SLC18A2: variants seen among roughly 807,000 people sequenced by gnomAD.
SLC18A2 encodes the protein synaptic vesicular amine transporter.
Under a neutral mutation model 59.2 loss-of-function variants are expected in SLC18A2, and 33 were observed. The observed-to-expected ratio is 0.56, with a 90% CI of 0.42 to 0.75. The LOEUF (loss-of-function observed/expected upper bound fraction) is 0.75. Ranked by LOEUF, SLC18A2 falls within the 30% of genes least tolerant of loss-of-function variation. The pLI, the probability that SLC18A2 is intolerant of heterozygous loss-of-function variation, is 0.00. For missense variants in SLC18A2, 569 were observed against 668.6 expected (o/e 0.85, Z 1.64); for synonymous variants, 228 against 253.5 (o/e 0.90, Z 0.95).
chr10:117,254,869 C>T (rs1462203895), intron 6 of SLC18A2, among the ~76,000 whole-genome samples: 1 of 152,226 alleles, frequency 6.6e-6, no homozygotes, highest in Non-Finnish European at 1.5e-5. Flanking sequence ...GACCAGGGGA[C>T]AAACATCTTC....
rs769083503 is a variant in SLC18A2 at position 117,279,056 on chromosome 10, T to C, written c.*1790T>C. Reference sequence around the variant, plus strand: ...TTGCCTTTACGGCTCTGTGTCTTTCTGCAAGAAGGCCTGGCAAAGGTATGC... The same window carrying C: ...TTGCCTTTACGGCTCTGTGTCTTTCCGCAAGAAGGCCTGGCAAAGGTATGC... On this transcript the variant is annotated 3_prime_UTR_variant, in exon 16 of 16. Coordinates refer to ENST00000644641, the MANE Select transcript of SLC18A2 (RefSeq NM_003054.6). 1 of 152,268 alleles carries C rather than the reference T, an allele frequency of 6.6e-6. No individual in the cohort carries two copies. The highest frequency in any genetic ancestry group is 1.5e-5 in the Non-Finnish European group (1 of 68,042). The allele number at this position is 152,268 out of a possible 1,614,324, so 9.4% of individuals were successfully genotyped here.
At chr10:117,264,246 C>T (rs1175967162) in intron 10 of SLC18A2, among the ~76,000 whole-genome samples, 1 of 152,204 alleles carries the variant, frequency 6.6e-6, no homozygotes, top group Non-Finnish European at 1.5e-5. Context: ...GGGTTCCTGC[C>T]ATGGCCCAGG....
chr10:117,270,685 G>T (rs1177305365), intron 15 of SLC18A2, among the ~76,000 whole-genome samples: 1 of 152,068 alleles, frequency 6.6e-6, no homozygotes, highest in Non-Finnish European at 1.5e-5. Context: ...AATTATTTTT[G>T]TACATAGATT....
chr10:117,241,769 G>A lies in SLC18A2; in HGVS notation c.76G>A (p.Val26Met). The A allele has an allele frequency of 6.2e-7, 1 of 1,611,280 alleles. No individual in the cohort carries two copies. The highest frequency in any genetic ancestry group is 8.5e-7 in the Non-Finnish European group (1 of 1,179,164). Residue 26 changes from valine (V) to methionine (M), a missense_variant, in exon 2 of 16, where the codon GTG (valine) becomes ATG (methionine). Val to Met is a conservative substitution (Grantham distance 21). Transcript: ENST00000644641. ...CTCGCGGAAGCTCATCCTGTTCATC[G>A]TGTTCCTGGCGCTGCTGCTGGACAA... ...RRSRKLILFI[V>M]FLALLLDNML...
intron 3 of SLC18A2, among the ~76,000 whole-genome samples, chr10:117,251,499 G>T (rs1470708953): frequency 6.6e-6 from 1 of 152,156 alleles, no homozygotes; most frequent in Non-Finnish European, 1.5e-5. Flanking sequence ...TACCCAATTT[G>T]CTTGGGGCCC....
At position 117,243,918 on chromosome 10, in the gene SLC18A2, C is replaced by T; in HGVS notation, c.122-53C>T. ...CCATAGTTTTTTGCTGGCTTTTTTCCTGGAGAGGGTTTCAGTGTGATCACC... is the reference window on the plus strand; with the variant it reads ...CCATAGTTTTTTGCTGGCTTTTTTCTTGGAGAGGGTTTCAGTGTGATCACC... On this transcript the variant is annotated intron_variant, in intron 2 of 15. Coordinates refer to ENST00000644641, the MANE Select transcript of SLC18A2 (RefSeq NM_003054.6). 4.1e-6 allele frequency: 6 copies of T among 1,456,298 alleles called. No individual in the cohort carries two copies. In the South Asian group the frequency reaches 7.9e-5, roughly 19 times the overall value. 90.2% of individuals were successfully genotyped at this position (1,456,298 alleles called of 1,614,324 possible). A position where few individuals can be genotyped will look rare whatever the true frequency, so the allele number is the denominator to read the frequency against.
intron 15 of SLC18A2, among the ~76,000 whole-genome samples, chr10:117,276,722 T>C (rs945610381): frequency 2.0e-5 from 3 of 151,976 alleles, no homozygotes; most frequent in African/African-American, 7.2e-5. Context: ...TAGGTACATT[T>C]CTCACATGTG....
At chr10:117,264,964 A>T (rs919752097) in intron 10 of SLC18A2, among the ~76,000 whole-genome samples, 1 of 152,160 alleles carries the variant, frequency 6.6e-6, no homozygotes, top group African/African-American at 2.4e-5. Flanking sequence ...TTTAAACGTC[A>T]TCTGCTCCTT....
rs1469849447 is a variant in SLC18A2 at position 117,254,502 on chromosome 10, G to A, written c.700+5G>A. 6.3e-7 allele frequency: 1 copy of A among 1,594,370 alleles called. No individual in the cohort carries two copies. On this transcript the variant is annotated splice_donor_5th_base_variant and intron_variant, in intron 6 of 15. Coordinates refer to ENST00000644641, the MANE Select transcript of SLC18A2 (RefSeq NM_003054.6). ...GCCTGGCCATGGGGGTCTTAGGTGGGTAAGGCCCCCGTGTAGGCAAACTGG... is the reference window on the plus strand; with the variant it reads ...GCCTGGCCATGGGGGTCTTAGGTGGATAAGGCCCCCGTGTAGGCAAACTGG...
At chr10:117,250,660 A>G (rs1259239529) in intron 3 of SLC18A2, among the ~76,000 whole-genome samples, 7 of 152,028 alleles carry the variant, frequency 4.6e-5, no homozygotes, top group African/African-American at 1.7e-4. Flanking sequence ...ATGTTAACAC[A>G]CTCAGGGTAT....
rs1589985544 is a variant in SLC18A2 at position 117,269,967 on chromosome 10, G to A, written c.1187-104G>A. ...ACTTGCAGGTGGTGATGACAGAAGG[G>A]GAAGAGCTGGCAGGGTGGTGAGTTT... is the stretch of plus-strand genomic sequence containing the variant. On this transcript the variant is annotated intron_variant, in intron 13 of 15. Transcript: ENST00000644641. The surrounding 1 kb of genome is among the most constrained non-coding windows in gnomAD (Gnocchi z 5.1). 2.9e-6 allele frequency: 4 copies of A among 1,382,858 alleles called. No individual in the cohort carries two copies. The East Asian group carries it at 9.3e-5, about 32-fold the overall frequency. 85.7% of individuals were successfully genotyped at this position (1,382,858 alleles called of 1,614,324 possible). A position where few individuals can be genotyped will look rare whatever the true frequency, so the allele number is the denominator to read the frequency against.
intron 15 of SLC18A2, among the ~76,000 whole-genome samples, chr10:117,276,751 G>T (rs1183687734): frequency 6.6e-6 from 1 of 151,986 alleles, no homozygotes; most frequent in Non-Finnish European, 1.5e-5. Flanking sequence ...TCTCATTAAG[G>T]AGAGAGCACA....
chr10:117,265,864 C>T (rs922053695), intron 10 of SLC18A2, among the ~76,000 whole-genome samples: 7 of 151,994 alleles, frequency 4.6e-5, no homozygotes, highest in Non-Finnish European at 7.4e-5. Context: ...CTGAGGCAGG[C>T]GGATCACCTG....
Position 117,267,714 on chromosome 10 carries a change from C to T in SLC18A2, c.1164C>T (p.Asn388=). 1 of 1,563,516 alleles carries T rather than the reference C, an allele frequency of 6.4e-7. No homozygotes were observed. Among genetic ancestry groups the T allele is most frequent in the Non-Finnish European group, 8.8e-7 (1 of 1,141,502 alleles). The change falls in exon 13 of 16, where the codon AAC becomes AAT. Residue 388 remains asparagine (N), a synonymous_variant. Coordinates refer to ENST00000644641, the MANE Select transcript of SLC18A2 (RefSeq NM_003054.6). ...ACATTTATGGACTCATAGCTCCGAA[C>T]TTTGGAGTTGGTTTTGCAATTGGTA... ...AKNIYGLIAP[N]FGVGFAIGMV...
chr10:117,276,728 A>G (rs1483849353), intron 15 of SLC18A2, among the ~76,000 whole-genome samples: 1 of 152,048 alleles, frequency 6.6e-6, no homozygotes, highest in Non-Finnish European at 1.5e-5. Flanking sequence ...CATTTCTCAC[A>G]TGTGAGGGCT....
chr10:117,242,687 T>C (rs1371758228), intron 2 of SLC18A2, among the ~76,000 whole-genome samples: 2 of 152,244 alleles, frequency 1.3e-5, no homozygotes, highest in African/African-American at 4.8e-5. Context: ...TTCGATTATA[T>C]GTTTCACAAT....
intron 14 of SLC18A2, 54 bp downstream of exon 14, chr10:117,270,244 C>G (rs566052280): frequency 4.3e-6 from 7 of 1,612,852 alleles, no homozygotes; most frequent in Non-Finnish European, 5.9e-6. Context: ...TAATGGATAA[C>G]GTCTACTAAA....
intron 15 of SLC18A2, 87 bp downstream of exon 15, chr10:117,270,550 C>A: frequency 6.8e-7 from 1 of 1,465,210 alleles, no homozygotes; most frequent in Non-Finnish European, 9.3e-7. Flanking sequence ...CATTCTAAAG[C>A]CTTCAAACAT....
chr10:117,243,288 A>G (rs1844075012), intron 2 of SLC18A2, among the ~76,000 whole-genome samples: 1 of 152,168 alleles, frequency 6.6e-6, no homozygotes, highest in Non-Finnish European at 1.5e-5. Context: ...CCAGGTCAGC[A>G]CTCTCTTAAC....
Sources: allele counts gnomAD v4.1 joint callset (sites outside exome capture counted in the v4.1 genomes callset), GRCh38; gene constraint gnomAD v4.1.1; non-coding constraint Gnocchi (gnomAD v3.1); transcripts MANE v1.5; gene names NCBI Gene and HGNC (gene_info 2026-07-23, HGNC 2026-07-21).